Variants in FGFR2 observed in about 807,000 individuals in gnomAD.
FGFR2 encodes fibroblast growth factor receptor 2, also known as BEK fibroblast growth factor receptor.
FGFR2 carries 19 observed loss-of-function variants against 95.9 expected under a neutral mutation model. The observed-to-expected ratio is 0.20, with a 90% CI of 0.14 to 0.29. The LOEUF (loss-of-function observed/expected upper bound fraction) is 0.29. FGFR2 is among the 10% of genes least tolerant of loss of function. The probability of loss-of-function intolerance (pLI) is 1.00; values close to 1 mark genes in which losing one functional copy is unlikely to be tolerated. For missense variants in FGFR2, 707 were observed against 1,056.9 expected, an observed-to-expected ratio of 0.67 and a Z score of 4.59; for synonymous variants, 392 against 393.3, an observed-to-expected ratio of 1.00 and a Z score of 0.04.
intron 2 of FGFR2, among the ~76,000 whole-genome samples, chr10:121,567,565 G>A (rs1009297961): frequency 1.3e-5 from 2 of 152,214 alleles, no homozygotes; most frequent in African/African-American, 4.8e-5. Flanking sequence ...CATTATGGTG[G>A]GGGTGACAGA....
At chr10:121,585,672 C>T (rs755858537) in intron 2 of FGFR2, among the ~76,000 whole-genome samples, 3 of 152,178 alleles carry the variant, frequency 2.0e-5, no homozygotes, top group Non-Finnish European at 2.9e-5. Context: ...GAAAGCATAC[C>T]ACATGCCATC....
intron 2 of FGFR2, among the ~76,000 whole-genome samples, chr10:121,575,402 T>C (rs1859560720): frequency 6.6e-6 from 1 of 152,174 alleles, no homozygotes; most frequent in South Asian, 2.1e-4. Context: ...CAAAAAAAGA[T>C]GCACAGAGGG....
At position 121,564,448 on chromosome 10, in the gene FGFR2, A is replaced by G. The variant is rs2303568; in HGVS notation, c.454+54T>C. 0.027 allele frequency: 40,741 copies of G among 1,521,000 alleles called. 5,241 individuals are homozygous for G. The African/African-American group carries it at 0.35, about 13-fold the overall frequency. 94.2% of individuals were successfully genotyped at this position (1,521,000 alleles called of 1,614,324 possible). On this transcript the variant is annotated intron_variant, in intron 4 of 17. Coordinates refer to ENST00000358487, the MANE Select transcript of FGFR2 (RefSeq NM_000141.5). Reference sequence around the variant, plus strand: ...CGACAAGAAGACAGGTGACAGGCAGAACTTCCCTCCATGCTCCTCTCTCGG... The same window carrying G: ...CGACAAGAAGACAGGTGACAGGCAGGACTTCCCTCCATGCTCCTCTCTCGG...
intron 9 of FGFR2, among the ~76,000 whole-genome samples, chr10:121,508,383 G>A (rs1296832567): frequency 6.6e-6 from 1 of 152,076 alleles, no homozygotes; most frequent in Non-Finnish European, 1.5e-5. Context: ...ACAGTAAGAG[G>A]GTCCTAATGA....
intron 5 of FGFR2, among the ~76,000 whole-genome samples, chr10:121,548,542 TAG>T (rs1337803172): frequency 6.6e-6 from 1 of 152,118 alleles, no homozygotes; most frequent in African/African-American, 2.4e-5. Flanking sequence ...TAGGCCCTCT[TAG>T]TCTCTTAGCA....
intron 13 of FGFR2, among the ~76,000 whole-genome samples, chr10:121,495,177 G>A (rs891691017): frequency 5.3e-5 from 8 of 152,116 alleles, no homozygotes; most frequent in Admixed American, 2.6e-4. Flanking sequence ...GCACGTGTAC[G>A]TAAACACAAT....
intron 5 of FGFR2, among the ~76,000 whole-genome samples, chr10:121,546,283 A>T (rs537506824): frequency 6.6e-6 from 1 of 152,094 alleles, no homozygotes; most frequent in Non-Finnish European, 1.5e-5. Context: ...CAGAGCCTGA[A>T]GGGATCAGGA....
At chr10:121,543,061 C>T (rs1359843105) in intron 5 of FGFR2, among the ~76,000 whole-genome samples, 4 of 152,192 alleles carry the variant, frequency 2.6e-5, no homozygotes, top group African/African-American at 4.8e-5. Flanking sequence ...ACGCTGTGTC[C>T]ATGTGATATC....
Position 121,479,350 on chromosome 10 carries a change from T to C in FGFR2, c.*507A>G. 1 of 287,942 alleles carries C rather than the reference T, an allele frequency of 3.5e-6. No homozygotes were observed. The highest frequency in any genetic ancestry group is 6.3e-6 in the Non-Finnish European group (1 of 157,902). The allele number at this position is 287,942 out of a possible 1,614,324, so 17.8% of individuals were successfully genotyped here. On this transcript the variant is annotated 3_prime_UTR_variant, in exon 18 of 18. Coordinates refer to ENST00000358487, the MANE Select transcript of FGFR2 (RefSeq NM_000141.5). ...AAGAACAGCATTTAGCAAATAGCTA[T>C]TAAAAAAAGAGAGACCAATTTTCTA...
intron 5 of FGFR2, 42 bp downstream of exon 5, chr10:121,551,248 C>G (rs1855365720): frequency 6.2e-7 from 1 of 1,606,894 alleles, no homozygotes; most frequent in Non-Finnish European, 8.5e-7. Context: ...AATAAATAAA[C>G]AAAAATGTAA....
chr10:121,562,564 G>C (rs1857141150), intron 4 of FGFR2, among the ~76,000 whole-genome samples: 1 of 152,158 alleles, frequency 6.6e-6, no homozygotes, highest in Non-Finnish European at 1.5e-5. Context: ...AGGATTACAG[G>C]CGTGAGCAAC....
chr10:121,592,754 C>G (rs554359009), intron 2 of FGFR2, among the ~76,000 whole-genome samples: 3 of 152,288 alleles, frequency 2.0e-5, no homozygotes, highest in African/African-American at 7.2e-5. Context: ...AGACACCACT[C>G]GGACTGCTGC....
chr10:121,536,765 A>C (rs556622861), intron 6 of FGFR2, among the ~76,000 whole-genome samples: 1 of 152,284 alleles, frequency 6.6e-6, no homozygotes, highest in East Asian at 1.9e-4. Flanking sequence ...ATCTGACTCC[A>C]CGATGCCTAG....
At chr10:121,526,860 CT>C (rs1851440655) in intron 6 of FGFR2, 1 of 398,238 alleles carries the variant, frequency 2.5e-6, no homozygotes, top group Non-Finnish European at 4.4e-6. Context: ...TCCGCATCTT[CT>C]GTCTGGATAT....
chr10:121,561,744 T>C (rs1645510311), intron 4 of FGFR2, among the ~76,000 whole-genome samples: 1 of 152,032 alleles, frequency 6.6e-6, no homozygotes, highest in Non-Finnish European at 1.5e-5. Flanking sequence ...GTCAAGAGAA[T>C]GAAAAGGCAA....
chr10:121,499,352 T>C (rs1847287488), intron 11 of FGFR2, among the ~76,000 whole-genome samples: 1 of 151,584 alleles, frequency 6.6e-6, no homozygotes, highest in Non-Finnish European at 1.5e-5. Flanking sequence ...AAAAAAAAAA[T>C]GAAATATGGG....
intron 1 of FGFR2, among the ~76,000 whole-genome samples, chr10:121,595,541 G>A (rs538920009): frequency 2.6e-5 from 4 of 152,196 alleles, no homozygotes; most frequent in Non-Finnish European, 5.9e-5. Context: ...CAGATAGCTT[G>A]AAAGATTTTT....
intron 2 of FGFR2, among the ~76,000 whole-genome samples, chr10:121,568,755 T>G (rs1858087625): frequency 6.6e-6 from 1 of 152,254 alleles, no homozygotes. Flanking sequence ...TTGAGAATCC[T>G]TTCCTTCACC....
Position 121,498,555 on chromosome 10 carries a change from T to C in FGFR2, c.1612A>G (p.Met538Val). 1 of 1,614,122 alleles carries C rather than the reference T, an allele frequency of 6.2e-7. No homozygotes were observed. The highest frequency in any genetic ancestry group is 8.5e-7 in the Non-Finnish European group (1 of 1,179,970). ...LSDLVSEMEM[M>V]KMIGKHKNII... Reference sequence around the variant, plus strand: ...TTCTTGTGTTTCCCAATCATCTTCATCATCTCCATCTCTGACACCAGATCA... The same window carrying C: ...TTCTTGTGTTTCCCAATCATCTTCACCATCTCCATCTCTGACACCAGATCA... Residue 538 changes from methionine to valine, a missense_variant, in exon 12 of 18, where the codon ATG becomes GTG. Physicochemically the swap from Met to Val is conservative, Grantham distance 21. Transcript: ENST00000358487.
Sources: gnomAD v4.1 joint callset for allele counts (sites outside exome capture counted in the v4.1 genomes callset) on GRCh38, gnomAD v4.1.1 for gene constraint, MANE v1.5 for transcripts, NCBI Gene and HGNC (gene_info 2026-07-23, HGNC 2026-07-21) for gene names.